Variants in PLA2G7 observed in about 807,000 individuals in gnomAD.
PLA2G7 encodes phospholipase A2 group VII, also known as platelet-activating factor acetylhydrolase.
PLA2G7 carries 63 observed loss-of-function variants against 49.6 expected under a neutral mutation model. The observed-to-expected ratio is 1.27, with a 90% CI of 1.04 to 1.57. The LOEUF (loss-of-function observed/expected upper bound fraction) is 1.57, where lower values mean the gene tolerates loss of function less well. Among genes scored for constraint, PLA2G7 ranks in the 40% most tolerant of loss-of-function variants. The pLI, the probability that PLA2G7 is intolerant of heterozygous loss-of-function variation, is 0.00. For synonymous variants in PLA2G7, 193 were observed against 169.9 expected, an observed-to-expected ratio of 1.14 and a Z score of -1.06; for missense variants, 596 against 521.2, an observed-to-expected ratio of 1.14 and a Z score of -1.40.
chr6:46,722,853 G>C lies in PLA2G7; in HGVS notation c.39C>G (p.Cys13Trp). ...AAGGATAAACCACAGCCAGGCAGCC[G>C]CAGAGGCAGAAAAGCACATGCAATT... ...PPKLHVLFCL[C>W]GCLAVVYPFD... The change falls in exon 2 of 12, where the codon TGC becomes TGG. Residue 13 changes from cysteine (C) to tryptophan (W), a missense_variant. Cys to Trp is a radical substitution (Grantham distance 215, BLOSUM62 -2). Transcript: ENST00000274793. 6.2e-7 allele frequency: 1 copy of C among 1,613,604 alleles called. No homozygotes were observed. Among genetic ancestry groups the C allele is most frequent in the South Asian group, 1.1e-5 (1 of 91,040 alleles).
intron 4 of PLA2G7, among the ~76,000 whole-genome samples, chr6:46,715,394 A>T (rs1765170735): frequency 6.6e-6 from 1 of 152,196 alleles, no homozygotes; most frequent in South Asian, 2.1e-4. Context: ...TGTACTTCAG[A>T]TTCCTCTTCT....
chr6:46,712,647 G>A (rs769549075), intron 5 of PLA2G7, among the ~76,000 whole-genome samples: 22 of 152,188 alleles, frequency 1.4e-4, no homozygotes, highest in Non-Finnish European at 2.4e-4. Context: ...GGTCCAAAAT[G>A]TCAAGACTAC....
chr6:46,725,030 G>A (rs944395172), intron 1 of PLA2G7, among the ~76,000 whole-genome samples: 1 of 152,182 alleles, frequency 6.6e-6, no homozygotes, highest in African/African-American at 2.4e-5. Context: ...GACAAGACTA[G>A]CATATATTAA....
intron 8 of PLA2G7, 67 bp downstream of exon 8, chr6:46,710,478 G>T: frequency 1.9e-6 from 2 of 1,074,802 alleles, no homozygotes; most frequent in Non-Finnish European, 2.9e-6. Context: ...CAATATAGCA[G>T]AAAATTAAAT....
At chr6:46,735,646 T>A (rs956595634), upstream of PLA2G7, 2 of 152,344 alleles carry the variant, frequency 1.3e-5, no homozygotes, top group Admixed American at 1.3e-4. Context: ...CTGATGCCGA[T>A]CAGATTTACT....
chr6:46,724,316 CT>C (rs1437834155), intron 1 of PLA2G7, among the ~76,000 whole-genome samples: 2 of 152,146 alleles, frequency 1.3e-5, no homozygotes, highest in African/African-American at 4.8e-5. Context: ...GTTTTTCCCC[CT>C]GCTGTATTCC....
chr6:46,731,277 A>G (rs1159941492), intron 1 of PLA2G7, among the ~76,000 whole-genome samples: 1 of 152,218 alleles, frequency 6.6e-6, no homozygotes, highest in East Asian at 1.9e-4. Flanking sequence ...GCTTCCTCTG[A>G]GAGAGAATGC....
chr6:46,732,871 T>C (rs1765778871), intron 1 of PLA2G7, among the ~76,000 whole-genome samples: 1 of 152,218 alleles, frequency 6.6e-6, no homozygotes, highest in African/African-American at 2.4e-5. Context: ...GAACTGAATG[T>C]TTCTCTTCAA....
intron 8 of PLA2G7, 28 bp downstream of exon 8, chr6:46,710,517 A>G (rs1435674182): frequency 5.3e-6 from 7 of 1,330,392 alleles, no homozygotes; most frequent in Non-Finnish European, 7.6e-6. Flanking sequence ...ACTGTAGGAC[A>G]AGAGAAAAAT....
chr6:46,706,788 T>G (rs1433801069), intron 10 of PLA2G7, among the ~76,000 whole-genome samples: 3 of 152,220 alleles, frequency 2.0e-5, no homozygotes, highest in Non-Finnish European at 2.9e-5. Context: ...TATTTCCGTT[T>G]TAGAATTAGA....
At chr6:46,709,268 A>T in intron 9 of PLA2G7, 59 bp downstream of exon 9, 1 of 967,416 alleles carries the variant, frequency 1.0e-6, no homozygotes, top group South Asian at 1.3e-5. Flanking sequence ...ATTATATCTC[A>T]CAATATAATT....
At chr6:46,728,816 G>A (rs115722722) in intron 1 of PLA2G7, among the ~76,000 whole-genome samples, 1 of 152,326 alleles carries the variant, frequency 6.6e-6, no homozygotes, top group African/African-American at 2.4e-5. Context: ...TTAGGTTAAG[G>A]TCATGGGTAT....
chr6:46,711,435 A>T, intron 7 of PLA2G7, 61 bp downstream of exon 7: 1 of 1,590,966 alleles, frequency 6.3e-7, no homozygotes, highest in South Asian at 1.1e-5. Context: ...AAATTAACAA[A>T]TGTCATCCTT....
intron 1 of PLA2G7, among the ~76,000 whole-genome samples, chr6:46,732,261 G>A (rs550830898): frequency 2.0e-5 from 3 of 152,090 alleles, no homozygotes; most frequent in African/African-American, 7.2e-5. Flanking sequence ...CTGCAGGGAC[G>A]TCTGCCCATC....
chr6:46,710,575 T>G lies in PLA2G7; in HGVS notation c.747A>C (p.Leu249Phe). The G allele has an allele frequency of 6.2e-7, 1 of 1,610,370 alleles. No individual in the cohort carries two copies. Among genetic ancestry groups the G allele is most frequent in the Non-Finnish European group, 8.5e-7 (1 of 1,176,616 alleles). The change falls in exon 8 of 12, where the codon TTA becomes TTC. Residue 249 changes from leucine (L) to phenylalanine (F), a missense_variant. Leu to Phe is a conservative substitution (Grantham distance 22). Transcript: ENST00000274793. ...IDHGKPVKNA[L>F]DLKFDMEQLK... The stretch of plus-strand genomic sequence containing the variant: ...GTTGTTCCATATCAAACTTTAAATC[T>G]AATGCATTCTTCACTGGCTTTCCAT...
chr6:46,706,267 T>C (rs916936356), intron 10 of PLA2G7, among the ~76,000 whole-genome samples: 5 of 152,198 alleles, frequency 3.3e-5, no homozygotes, highest in Non-Finnish European at 5.9e-5. Flanking sequence ...CTTTTAGTCA[T>C]CTAAGCTCAA....
intron 8 of PLA2G7, 53 bp downstream of exon 8, chr6:46,710,491 CA>C: frequency 8.4e-7 from 1 of 1,194,684 alleles, no homozygotes; most frequent in Non-Finnish European, 1.2e-6. Context: ...AATTAAATGA[CA>C]AAAAACAATA....
intron 11 of PLA2G7, 22 bp downstream of exon 11, chr6:46,705,131 C>A: frequency 1.3e-6 from 2 of 1,570,108 alleles, no homozygotes; most frequent in South Asian, 2.2e-5. Flanking sequence ...TGGTTTAGGT[C>A]ATGAAAAAAA....
chr6:46,719,144 C>CA (rs1765311759), intron 2 of PLA2G7, among the ~76,000 whole-genome samples: 1 of 152,322 alleles, frequency 6.6e-6, no homozygotes, highest in South Asian at 2.1e-4. Flanking sequence ...CTTGTCCACC[C>CA]ATTCCTTCCA....
Sources: allele counts gnomAD v4.1 joint callset (sites outside exome capture counted in the v4.1 genomes callset), GRCh38; gene constraint gnomAD v4.1.1; transcripts MANE v1.5; gene names NCBI Gene and HGNC (gene_info 2026-07-23, HGNC 2026-07-21).